Variants in HDAC4 observed in about 807,000 individuals in gnomAD.
HDAC4 encodes histone deacetylase 4.
Under a neutral mutation model 135.1 loss-of-function variants are expected in HDAC4, and 16 were observed. The observed-to-expected ratio is 0.12, with a 90% CI of 0.08 to 0.18. The LOEUF (loss-of-function observed/expected upper bound fraction) is 0.18. Ranked by LOEUF, HDAC4 falls within the 10% of genes least tolerant of loss-of-function variation. The pLI is 1.00. For missense variants in HDAC4, 1,143 were observed against 1,511.8 expected (o/e 0.76, Z 4.05); for synonymous variants, 685 against 653.4 (o/e 1.05, Z -0.74).
intron 24 of HDAC4, among the ~76,000 whole-genome samples, chr2:239,060,256 T>C (rs936243787): frequency 6.6e-6 from 1 of 152,172 alleles, no homozygotes; most frequent in African/African-American, 2.4e-5. Flanking sequence ...TGCCTGTCTG[T>C]AAGTAGTAAA....
At chr2:239,074,771 A>T (rs2034565188) in intron 22 of HDAC4, among the ~76,000 whole-genome samples, 1 of 152,224 alleles carries the variant, frequency 6.6e-6, no homozygotes, top group Admixed American at 6.5e-5. Context: ...GCCTGTAAAA[A>T]GGAAGCTGAG....
chr2:239,363,708 A>C (rs915929249), intron 1 of HDAC4, among the ~76,000 whole-genome samples: 10 of 152,248 alleles, frequency 6.6e-5, no homozygotes, highest in African/African-American at 9.6e-5. Context: ...CTGACCATGA[A>C]GGAAAGAAAA....
At chr2:239,143,153 T>C (rs1216056701) in intron 8 of HDAC4, among the ~76,000 whole-genome samples, 1 of 152,170 alleles carries the variant, frequency 6.6e-6, no homozygotes, top group Non-Finnish European at 1.5e-5. Context: ...CCCAGCCCAG[T>C]GCTGACTCAA....
chr2:239,358,137 T>A (rs1203114010), intron 1 of HDAC4, among the ~76,000 whole-genome samples: 1 of 152,204 alleles, frequency 6.6e-6, no homozygotes, highest in African/African-American at 2.4e-5. Flanking sequence ...ACTGTCATGA[T>A]GTTTGCCTAG....
chr2:239,088,798 C>A (rs539784670), intron 18 of HDAC4, among the ~76,000 whole-genome samples: 1 of 152,220 alleles, frequency 6.6e-6, no homozygotes, highest in African/African-American at 2.4e-5. Flanking sequence ...TTGGAACACA[C>A]GGCTCTGCCC....
At chr2:239,131,625 C>T (rs2040592426) in intron 11 of HDAC4, among the ~76,000 whole-genome samples, 5 of 152,074 alleles carry the variant, frequency 3.3e-5, no homozygotes, top group South Asian at 2.1e-4. Flanking sequence ...AGCATTGAGC[C>T]GGCTGGCCTG....
chr2:239,095,189 T>A, intron 16 of HDAC4, 133 bp from the exon 17 acceptor site: 1 of 915,612 alleles, frequency 1.1e-6, no homozygotes, highest in Non-Finnish European at 1.8e-6. Flanking sequence ...CTGCTCCCCC[T>A]TGTGACACCC....
intron 12 of HDAC4, among the ~76,000 whole-genome samples, chr2:239,116,861 G>A (rs887213244): frequency 6.6e-6 from 1 of 152,198 alleles, no homozygotes; most frequent in African/African-American, 2.4e-5. Flanking sequence ...GGCTTTGTGA[G>A]CCTCCCGTGC....
intron 4 of HDAC4, among the ~76,000 whole-genome samples, chr2:239,188,244 T>A (rs2044683131): frequency 6.6e-6 from 1 of 152,236 alleles, no homozygotes; most frequent in African/African-American, 2.4e-5. Flanking sequence ...AGCTTTGGGA[T>A]GCAGCCTCCC....
chr2:239,385,118 C>T (rs752288161), intron 1 of HDAC4, among the ~76,000 whole-genome samples: 3 of 152,230 alleles, frequency 2.0e-5, no homozygotes, highest in Non-Finnish European at 4.4e-5. Context: ...GCTTCCCGGC[C>T]GCCTCCACAG....
chr2:239,313,522 T>C lies in HDAC4; in HGVS notation c.22+39156A>G, dbSNP rs185500860. On this transcript the variant is annotated intron_variant, in intron 2 of 26. Transcript: ENST00000543185. The surrounding 1 kb of genome is among the most constrained non-coding windows in gnomAD (Gnocchi z 5.1). The stretch of plus-strand genomic sequence containing the variant: ...GGACTCTTCCTAACCTCACGAGAGG[T>C]GATGACCGGAATCATCCCAGTTTTC... 1.4e-4 allele frequency among the ~76,000 whole-genome samples: 21 copies of C among 151,854 alleles called. No individual in the cohort carries two copies. In the East Asian group the frequency reaches 3.7e-3, roughly 27 times the overall value.
intron 2 of HDAC4, among the ~76,000 whole-genome samples, chr2:239,292,928 T>C (rs186803516): frequency 4.6e-5 from 7 of 152,252 alleles, no homozygotes; most frequent in Non-Finnish European, 8.8e-5. Context: ...AAAAAGAACA[T>C]TTCCGATTTG....
intron 2 of HDAC4, among the ~76,000 whole-genome samples, chr2:239,256,440 G>A (rs1318430558): frequency 2.0e-5 from 3 of 152,204 alleles, no homozygotes; most frequent in Non-Finnish European, 2.9e-5. Context: ...CAGGCTGGTC[G>A]GGGCCAGGCT....
chr2:239,066,124 G>A (rs150545068), intron 24 of HDAC4, among the ~76,000 whole-genome samples: 1,818 of 152,318 alleles, frequency 0.012, 9 homozygotes, highest in African/African-American at 0.019. Context: ...AACGCTGCAG[G>A]TGGCGCTCTC....
At chr2:239,315,563 C>T (rs1387406665) in intron 2 of HDAC4, among the ~76,000 whole-genome samples, 9 of 152,132 alleles carry the variant, frequency 5.9e-5, no homozygotes, top group Admixed American at 3.3e-4. Context: ...ACCATCAACC[C>T]GGCAGACCAG....
rs368905587 is a variant in HDAC4, at chr2:239,189,881, G to A, written c.291C>T (p.His97=). 20 of 1,610,394 alleles carry A rather than the reference G, an allele frequency of 1.2e-5. No homozygotes were observed. Among genetic ancestry groups the A allele is most frequent in the South Asian group, 3.3e-5 (3 of 91,040 alleles). ...QILIAEFQRQ[H]EQLSRQHEAQ... Reference sequence around the variant, plus strand: ...CCTCGTGCTGCCGGGAGAGCTGCTCGTGCTGCCTCTGGAACTCAGCGATGA... The same window carrying A: ...CCTCGTGCTGCCGGGAGAGCTGCTCATGCTGCCTCTGGAACTCAGCGATGA... Residue 97 remains histidine (H), a synonymous_variant, in exon 4 of 27, where the codon CAC becomes CAT. Transcript: ENST00000543185.
chr2:239,080,595 C>A (rs200776913), intron 22 of HDAC4, among the ~76,000 whole-genome samples: 3 of 26 alleles, frequency 0.12, no homozygotes, highest in Admixed American at 0.25. Context: ...CTTTAAACGG[C>A]GCGCCCTGCG....
chr2:239,070,400 C>T (rs1163585731), intron 22 of HDAC4, among the ~76,000 whole-genome samples: 1 of 152,256 alleles, frequency 6.6e-6, no homozygotes. Flanking sequence ...GGAAAAAGCA[C>T]TCCTTAACAC....
intron 1 of HDAC4, among the ~76,000 whole-genome samples, chr2:239,360,486 G>C (rs1255416006): frequency 1.3e-5 from 2 of 152,220 alleles, no homozygotes; most frequent in Non-Finnish European, 2.9e-5. Context: ...TTCTGGCTCT[G>C]GCTGGGTCTG....
Sources: allele counts gnomAD v4.1 joint callset (sites outside exome capture counted in the v4.1 genomes callset), GRCh38; gene constraint gnomAD v4.1.1; non-coding constraint Gnocchi (gnomAD v3.1); transcripts MANE v1.5; gene names NCBI Gene and HGNC (gene_info 2026-07-23, HGNC 2026-07-21).